Variants in DSCAML1 observed in about 807,000 individuals in gnomAD.
The protein encoded by DSCAML1 is DS cell adhesion molecule like 1.
In DSCAML1, 38 loss-of-function variants were observed where a neutral mutation model predicts 200.5. That is an observed-to-expected ratio of 0.19 (90% CI 0.15 to 0.25). DSCAML1 has a LOEUF of 0.25. Among genes scored for constraint, DSCAML1 ranks in the 10% least tolerant of loss-of-function variants. The pLI, the probability that DSCAML1 is intolerant of heterozygous loss-of-function variation, is 1.00. For missense variants in DSCAML1, 2,223 were observed against 2,858.8 expected (o/e 0.78, Z 5.07); for synonymous variants, 1,215 against 1,165.0 (o/e 1.04, Z -0.87).
intron 3 of DSCAML1, among the ~76,000 whole-genome samples, chr11:117,594,387 C>T (rs2051321451): frequency 6.6e-6 from 1 of 152,230 alleles, no homozygotes; most frequent in African/African-American, 2.4e-5. Context: ...AGTATTCTCC[C>T]CTCTTGCGTT....
rs1379116967 is a variant in DSCAML1 at position 117,438,030 on chromosome 11, T to C, written c.4297A>G (p.Ile1433Val). ...TTGAAGGAGCGCTCGCTGGAGCTGA[T>C]GAACACATCCTTCCACTCCTCGCTG... ...DNSEEWKDVF[I>V]SSSERSFKLD... is the part of the protein sequence containing the mutation. The change falls in exon 25 of 33, where the codon ATC becomes GTC. Residue 1433 changes from isoleucine (I) to valine (V), a missense_variant. Coordinates refer to ENST00000651296, the MANE Select transcript of DSCAML1 (RefSeq NM_020693.4). 6.2e-7 allele frequency: 1 copy of C among 1,613,974 alleles called. No homozygotes were observed. Among genetic ancestry groups the C allele is most frequent in the Non-Finnish European group, 8.5e-7 (1 of 1,179,992 alleles).
At chr11:117,474,355 T>A (rs548578519) in intron 14 of DSCAML1, among the ~76,000 whole-genome samples, 1 of 152,164 alleles carries the variant, frequency 6.6e-6, no homozygotes, top group African/African-American at 2.4e-5. Flanking sequence ...CTTCTCTCTG[T>A]CTCTGTGCAG....
chr11:117,508,823 G>A (rs554787905), intron 8 of DSCAML1, among the ~76,000 whole-genome samples: 60 of 152,156 alleles, frequency 3.9e-4, no homozygotes, highest in African/African-American at 1.4e-3. Flanking sequence ...GGGCACAGAC[G>A]GCCAGAACAC....
At chr11:117,541,591 C>A (rs1426832957) in intron 3 of DSCAML1, among the ~76,000 whole-genome samples, 1 of 152,332 alleles carries the variant, frequency 6.6e-6, no homozygotes, top group African/African-American at 2.4e-5. Context: ...CCTCTTTGGG[C>A]CACTTTGATC....
At chr11:117,587,603 C>G (rs2051175135) in intron 3 of DSCAML1, among the ~76,000 whole-genome samples, 1 of 152,206 alleles carries the variant, frequency 6.6e-6, no homozygotes, top group South Asian at 2.1e-4. Context: ...TCCTCTGCTG[C>G]CTGGAGCCCC....
intron 16 of DSCAML1, among the ~76,000 whole-genome samples, chr11:117,467,346 G>A (rs139624270): frequency 4.6e-5 from 7 of 152,228 alleles, no homozygotes; most frequent in African/African-American, 1.4e-4. Flanking sequence ...TTTAATGCCC[G>A]GGCCTGCCCA....
rs186448535 is a variant in DSCAML1 at position 117,696,565 on chromosome 11, C to T, written c.511+80226G>A. 1.9e-3 allele frequency among the ~76,000 whole-genome samples: 290 copies of T among 152,302 alleles called. 2 individuals carry two copies. Among genetic ancestry groups the T allele is most frequent in the Admixed American group, 0.014 (212 of 15,308 alleles). ...ATCTTCCTGGGGAGGCCGCACTTCT[C>T]TTCCCTGCAGGCCCCCCAGGGTGGG... is the stretch of plus-strand genomic sequence containing the variant. On this transcript the variant is annotated intron_variant, in intron 3 of 32. Transcript: ENST00000651296.
At chr11:117,510,998 C>G (rs1293916013) in intron 8 of DSCAML1, among the ~76,000 whole-genome samples, 1 of 152,190 alleles carries the variant, frequency 6.6e-6, no homozygotes, top group Admixed American at 6.5e-5. Flanking sequence ...TCCACCTTCA[C>G]CAGTAGCAGG....
intron 3 of DSCAML1, among the ~76,000 whole-genome samples, chr11:117,693,487 G>A (rs1342455208): frequency 1.3e-5 from 2 of 152,118 alleles, no homozygotes; most frequent in African/African-American, 4.8e-5. Flanking sequence ...CAAGGATCAA[G>A]CCCTGCACCC....
chr11:117,798,830 A>C (rs1244750249), upstream of DSCAML1, among the ~76,000 whole-genome samples: 1 of 152,154 alleles, frequency 6.6e-6, no homozygotes, highest in Non-Finnish European at 1.5e-5. Context: ...CAGAAGCAAG[A>C]CTAGAACCCA....
intron 3 of DSCAML1, among the ~76,000 whole-genome samples, chr11:117,619,562 A>G (rs2051884150): frequency 6.6e-6 from 1 of 152,236 alleles, no homozygotes; most frequent in African/African-American, 2.4e-5. Flanking sequence ...TACTCTTTGC[A>G]AATCTGTAGT....
intron 3 of DSCAML1, among the ~76,000 whole-genome samples, chr11:117,591,212 G>C (rs1032442770): frequency 1.3e-5 from 2 of 152,096 alleles, no homozygotes; most frequent in African/African-American, 4.8e-5. Flanking sequence ...AGGGTGAGGG[G>C]GGTAATATGG....
chr11:117,643,899 T>C (rs1354201179), intron 3 of DSCAML1, among the ~76,000 whole-genome samples: 1 of 152,132 alleles, frequency 6.6e-6, no homozygotes, highest in Non-Finnish European at 1.5e-5. Context: ...AAAAAGACCA[T>C]GCCCCATTCT....
chr11:117,440,014 G>C (rs1292747122), intron 21 of DSCAML1, 78 bp from the exon 22 acceptor site: 1 of 1,269,784 alleles, frequency 7.9e-7, no homozygotes, highest in Non-Finnish European at 1.1e-6. Context: ...AGGGCCCCCT[G>C]GATTTACAGT....
intron 3 of DSCAML1, among the ~76,000 whole-genome samples, chr11:117,666,273 T>C (rs537525911): frequency 6.6e-6 from 1 of 152,320 alleles, no homozygotes; most frequent in Admixed American, 6.5e-5. Flanking sequence ...TAATACCTGC[T>C]GTAAGCGTGC....
chr11:117,768,038 G>T (rs1376753428), intron 3 of DSCAML1, among the ~76,000 whole-genome samples: 2 of 152,130 alleles, frequency 1.3e-5, no homozygotes, highest in Non-Finnish European at 2.9e-5. Context: ...AATGGGCAAG[G>T]TAACGGGGGC....
intron 3 of DSCAML1, among the ~76,000 whole-genome samples, chr11:117,775,861 C>G (rs145064207): frequency 2.0e-5 from 3 of 152,118 alleles, no homozygotes; most frequent in Admixed American, 6.5e-5. Flanking sequence ...AAATCATCAA[C>G]CTTGAGGAAC....
At position 117,780,704 on chromosome 11, in the gene DSCAML1, G is replaced by A. The variant is rs374991121; in HGVS notation, c.153C>T (p.Gly51=). The change falls in exon 2 of 33, where the codon GGC becomes GGT. Residue 51 remains glycine (G), a synonymous_variant. Transcript: ENST00000651296. The surrounding 1 kb of genome is among the most constrained non-coding windows in gnomAD (Gnocchi z 4.8). ...ACCATCGAAGGGCCGCGCTGGGGGA[G>A]CCCGCGGCCGGGCAGGGCACCACCA... ...VGVVVPCPAA[G]SPSAALRWYL... is the part of the protein sequence containing the mutation. The A allele has an allele frequency of 2.8e-5, 45 of 1,582,086 alleles. No homozygotes were observed. In the East Asian group the frequency reaches 1.0e-3, roughly 36 times the overall value.
At chr11:117,545,226 T>TAAAA (rs369727751) in intron 3 of DSCAML1, among the ~76,000 whole-genome samples, 19 of 135,920 alleles carry the variant, frequency 1.4e-4, no homozygotes, top group East Asian at 8.4e-4. Context: ...CAAGATTCCG[T>TAAAA]AAAAAAAAAC....
Sources: gnomAD v4.1 joint callset for allele counts (sites outside exome capture counted in the v4.1 genomes callset) on GRCh38, gnomAD v4.1.1 for gene constraint, Gnocchi (gnomAD v3.1) non-coding constraint, MANE v1.5 for transcripts, NCBI Gene and HGNC (gene_info 2026-07-23, HGNC 2026-07-21) for gene names.